PPP3CC: variants seen among roughly 807,000 people sequenced by gnomAD.
The protein encoded by PPP3CC is protein phosphatase 3 catalytic subunit gamma, also known as serine/threonine-protein phosphatase 2B catalytic subunit gamma isoform.
In PPP3CC, 35 loss-of-function variants were observed where a neutral mutation model predicts 60.3. The observed-to-expected ratio is 0.58, with a 90% confidence interval of 0.44 to 0.77. The LOEUF is 0.77. Among genes scored for constraint, PPP3CC ranks in the 30% least tolerant of loss-of-function variants. The probability of loss-of-function intolerance (pLI) is 0.00; values close to 1 mark genes in which losing one functional copy is unlikely to be tolerated. For synonymous variants in PPP3CC, 206 were observed against 224.3 expected (o/e 0.92, Z 0.73); for missense variants, 570 against 628.9 (o/e 0.91, Z 1.00).
chr8:22,480,123 A>T (rs779293936), intron 3 of PPP3CC, among the ~76,000 whole-genome samples: 1 of 152,190 alleles, frequency 6.6e-6, no homozygotes, highest in Non-Finnish European at 1.5e-5. Context: ...GAGACAAAAC[A>T]GTAACTGTGG....
intron 1 of PPP3CC, among the ~76,000 whole-genome samples, chr8:22,453,938 G>A (rs901980748): frequency 2.0e-5 from 3 of 152,184 alleles, no homozygotes; most frequent in Non-Finnish European, 4.4e-5. Flanking sequence ...GTGAGTCAGG[G>A]AGTATGTGGT....
chr8:22,494,657 G>A (rs900851381), intron 3 of PPP3CC, among the ~76,000 whole-genome samples: 1 of 152,136 alleles, frequency 6.6e-6, no homozygotes, highest in Non-Finnish European at 1.5e-5. Context: ...GTGGTCACTG[G>A]TAGACATGTG....
At chr8:22,540,515 T>G (rs918865329) in intron 13 of PPP3CC, 100 bp from the exon 14 acceptor site, 1 of 1,178,796 alleles carries the variant, frequency 8.5e-7, no homozygotes, top group African/African-American at 1.5e-5. Context: ...CCTTTCTGTG[T>G]GTTTCTCTAG....
At chr8:22,503,363 T>G (rs1212174433) in intron 4 of PPP3CC, among the ~76,000 whole-genome samples, 1 of 152,224 alleles carries the variant, frequency 6.6e-6, no homozygotes, top group South Asian at 2.1e-4. Context: ...TGTGTATAAG[T>G]TAACAAATGC....
intron 10 of PPP3CC, chr8:22,531,398 T>TA (rs1299082851): frequency 7.2e-7 from 1 of 1,386,040 alleles, no homozygotes; most frequent in Non-Finnish European, 9.8e-7. Flanking sequence ...TGGTTAGACT[T>TA]AAAATTGGTA....
chr8:22,540,927 G>A lies in PPP3CC; in HGVS notation c.*125G>A. 1 of 856,290 alleles carries A rather than the reference G, an allele frequency of 1.2e-6. No homozygotes were observed. The highest frequency in any genetic ancestry group is 1.6e-6 in the Non-Finnish European group (1 of 613,454). The allele number at this position is 856,290 out of a possible 1,614,324, so 53.0% of individuals were successfully genotyped here. ...TGGAGGTGCATTTATAATTCAGTCT[G>A]CATTTATTCTGTAAAAAGGTGGCTG... is the stretch of plus-strand genomic sequence containing the variant. On this transcript the variant is annotated 3_prime_UTR_variant, in exon 14 of 14. Transcript: ENST00000240139.
chr8:22,453,390 A>G (rs976325146), intron 1 of PPP3CC, among the ~76,000 whole-genome samples: 1 of 152,212 alleles, frequency 6.6e-6, no homozygotes, highest in Non-Finnish European at 1.5e-5. Flanking sequence ...ATGCATCCTT[A>G]GGCGATTTCA....
intron 3 of PPP3CC, among the ~76,000 whole-genome samples, chr8:22,486,740 T>TA (rs1266532809): frequency 6.6e-6 from 1 of 151,462 alleles, no homozygotes; most frequent in Non-Finnish European, 1.5e-5. Context: ...TTGTTTTTTT[T>TA]TTTTTTTGGG....
At chr8:22,507,059 C>A (rs540577177) in intron 4 of PPP3CC, among the ~76,000 whole-genome samples, 7 of 152,008 alleles carry the variant, frequency 4.6e-5, no homozygotes, top group Non-Finnish European at 1.0e-4. Flanking sequence ...TTCTAGGTTG[C>A]AGTAAGCTAT....
chr8:22,503,232 C>T (rs564427809), intron 4 of PPP3CC, among the ~76,000 whole-genome samples: 1 of 152,162 alleles, frequency 6.6e-6, no homozygotes, highest in South Asian at 2.1e-4. Context: ...TACTATCTGT[C>T]GTTTGGGAAC....
intron 1 of PPP3CC, among the ~76,000 whole-genome samples, chr8:22,450,008 A>C (rs1836961165): frequency 6.6e-6 from 1 of 151,756 alleles, no homozygotes; most frequent in African/African-American, 2.4e-5. Flanking sequence ...CTGGGATTAC[A>C]GGTGTGCGCC....
chr8:22,520,648 T>C (rs968903756), intron 6 of PPP3CC, among the ~76,000 whole-genome samples: 28 of 152,210 alleles, frequency 1.8e-4, no homozygotes, highest in African/African-American at 6.5e-4. Context: ...AGCTCCAGGA[T>C]TTCTATTTGC....
intron 12 of PPP3CC, among the ~76,000 whole-genome samples, chr8:22,534,208 A>AC (rs1213653122): frequency 6.6e-6 from 1 of 151,582 alleles, no homozygotes; most frequent in African/African-American, 2.4e-5. Context: ...AAAAAAAAAA[A>AC]AAAAACAAAC....
chr8:22,475,611 A>G lies in PPP3CC; in HGVS notation c.359A>G (p.Tyr120Cys). ...LFLGDYVDRG[Y>C]FSIECVLYLW... The stretch of plus-strand genomic sequence containing the variant: ...CTGGGTGACTATGTGGACAGAGGCT[A>G]TTTCAGTATAGAGGTAAAAATTAAA... Residue 120 changes from tyrosine to cysteine, a missense_variant, in exon 3 of 14, where the codon TAT becomes TGT. Coordinates refer to ENST00000240139, the MANE Select transcript of PPP3CC (RefSeq NM_005605.5). The G allele has an allele frequency of 1.2e-6, 2 of 1,612,918 alleles. No individual in the cohort carries two copies. Among genetic ancestry groups the G allele is most frequent in the Non-Finnish European group, 1.7e-6 (2 of 1,179,282 alleles).
intron 4 of PPP3CC, among the ~76,000 whole-genome samples, chr8:22,505,757 C>T (rs1176631064): frequency 2.0e-5 from 3 of 152,112 alleles, no homozygotes; most frequent in African/African-American, 7.2e-5. Flanking sequence ...CATGCTGAAT[C>T]GGACAAAAAG....
Position 22,528,663 on chromosome 8 carries a change from T to C in PPP3CC, c.1141+86T>C, listed in dbSNP as rs547139910. On this transcript the variant is annotated intron_variant, in intron 10 of 13. Transcript: ENST00000240139. ...TTAGTTTATTTTGAATGATTTTCTTTGTCTTATTAAAAATAAAGTTAGTTC... is the reference window on the plus strand; with the variant it reads ...TTAGTTTATTTTGAATGATTTTCTTCGTCTTATTAAAAATAAAGTTAGTTC... 9 of 1,008,394 alleles carry C rather than the reference T, an allele frequency of 8.9e-6. No homozygotes were observed. In the South Asian group the frequency reaches 2.0e-4, roughly 22 times the overall value. The allele number at this position is 1,008,394 out of a possible 1,614,324, so 62.5% of individuals were successfully genotyped here. A position where few individuals can be genotyped will look rare whatever the true frequency, so the allele number is the denominator to read the frequency against.
chr8:22,496,928 T>C (rs1437072263), intron 3 of PPP3CC, among the ~76,000 whole-genome samples: 1 of 152,198 alleles, frequency 6.6e-6, no homozygotes, highest in Non-Finnish European at 1.5e-5. Flanking sequence ...GCACATTTCT[T>C]GTTAAATTTA....
intron 3 of PPP3CC, among the ~76,000 whole-genome samples, chr8:22,493,614 T>C (rs1409087916): frequency 1.3e-5 from 2 of 152,074 alleles, no homozygotes; most frequent in Non-Finnish European, 2.9e-5. Flanking sequence ...CATCTAGGCC[T>C]ACAGAGGGTC....
At chr8:22,446,346 G>A (rs144773267) in intron 1 of PPP3CC, among the ~76,000 whole-genome samples, 19 of 151,692 alleles carry the variant, frequency 1.3e-4, no homozygotes, top group African/African-American at 3.4e-4. Context: ...GGCGTCTAAC[G>A]TCATATTTGT....
Sources: allele counts gnomAD v4.1 joint callset (sites outside exome capture counted in the v4.1 genomes callset), GRCh38; gene constraint gnomAD v4.1.1; transcripts MANE v1.5; gene names NCBI Gene and HGNC (gene_info 2026-07-23, HGNC 2026-07-21).